Variants in ME1 observed in about 807,000 individuals in gnomAD.
ME1 encodes the protein NADP-dependent malic enzyme.
Under a neutral mutation model 66.4 loss-of-function variants are expected in ME1, and 74 were observed. That is an observed-to-expected ratio of 1.11 (90% CI 0.92 to 1.35). ME1 has a LOEUF of 1.35. Among genes scored for constraint, ME1 ranks in the 40% most tolerant of loss-of-function variants. ME1 has a pLI of 0.00. For synonymous variants in ME1, 251 were observed against 235.6 expected, an observed-to-expected ratio of 1.07 and a Z score of -0.60; for missense variants, 750 against 694.1, an observed-to-expected ratio of 1.08 and a Z score of -0.90.
Position 83,346,267 on chromosome 6 carries a change from A to G in ME1, c.506T>C (p.Ile169Thr), listed in dbSNP as rs1768684865. The G allele has an allele frequency of 1.9e-6, 3 of 1,613,572 alleles. No homozygotes were observed. The highest frequency in any genetic ancestry group is 2.5e-6 in the Non-Finnish European group (3 of 1,179,628). ...LGDLGCNGMG[I>T]PVGKLALYTA... The stretch of plus-strand genomic sequence containing the variant: ...ATATAGAGCCAATTTACCCACAGGG[A>G]TGCCCATTCCATTACAGCCAAGGTC... The change falls in exon 5 of 14, where the codon ATC (isoleucine) becomes ACC (threonine). Residue 169 changes from isoleucine (I) to threonine (T), a missense_variant. By Grantham distance (89) the Ile-to-Thr change is moderately conservative. Transcript: ENST00000369705.
At chr6:83,392,780 C>T in intron 3 of ME1, 1 of 687,582 alleles carries the variant, frequency 1.5e-6, no homozygotes, top group South Asian at 1.3e-5. Flanking sequence ...GTCATCATCT[C>T]TGCACCCTCT....
chr6:83,396,456 T>C (rs1304567820), intron 3 of ME1, among the ~76,000 whole-genome samples: 1 of 151,976 alleles, frequency 6.6e-6, no homozygotes, highest in Non-Finnish European at 1.5e-5. Context: ...CTACAAAACA[T>C]TGATGAAAAA....
chr6:83,346,976 C>T (rs1200788225), intron 4 of ME1, among the ~76,000 whole-genome samples: 1 of 151,712 alleles, frequency 6.6e-6, no homozygotes, highest in African/African-American at 2.4e-5. Context: ...TTTTCCGAGA[C>T]GGAGTCTTGC....
At chr6:83,388,780 G>A (rs1191364584) in intron 3 of ME1, among the ~76,000 whole-genome samples, 1 of 152,104 alleles carries the variant, frequency 6.6e-6, no homozygotes, top group African/African-American at 2.4e-5. Context: ...GCAAACTGTT[G>A]TATTAGCTCA....
At chr6:83,392,934 C>G in intron 3 of ME1, 2 of 823,834 alleles carry the variant, frequency 2.4e-6, no homozygotes, top group Non-Finnish European at 4.2e-6. Flanking sequence ...CGTGGAAGGA[C>G]TCATGACCAT....
chr6:83,340,466 T>C (rs539720262), intron 5 of ME1, among the ~76,000 whole-genome samples: 7 of 152,318 alleles, frequency 4.6e-5, no homozygotes, highest in Middle Eastern at 6.8e-3. Context: ...TAAAGAACTT[T>C]TGCTTCTACA....
intron 6 of ME1, among the ~76,000 whole-genome samples, chr6:83,298,308 A>G (rs1397095015): frequency 2.0e-5 from 3 of 152,150 alleles, no homozygotes; most frequent in Non-Finnish European, 4.4e-5. Context: ...TTTCTCTAAC[A>G]ATCAGTGATG....
intron 3 of ME1, among the ~76,000 whole-genome samples, chr6:83,382,151 G>A (rs1769414716): frequency 6.6e-6 from 1 of 151,562 alleles, no homozygotes; most frequent in Non-Finnish European, 1.5e-5. Context: ...CCCTGTTATT[G>A]TTTATCATTG....
At chr6:83,425,725 T>C (rs961101669) in intron 1 of ME1, among the ~76,000 whole-genome samples, 1 of 152,242 alleles carries the variant, frequency 6.6e-6, no homozygotes, top group African/African-American at 2.4e-5. Context: ...ACAAGTATTT[T>C]TGCCGATGTT....
At position 83,267,547 on chromosome 6, in the gene ME1, C is replaced by T. The variant is rs112695724; in HGVS notation, c.705-13809G>A. Reference sequence around the variant, plus strand: ...TTTTAGCCTCTCTGATGAAAAATGTCTAAATAAAACTATGTCTCTTAAGGA... The same window carrying T: ...TTTTAGCCTCTCTGATGAAAAATGTTTAAATAAAACTATGTCTCTTAAGGA... On this transcript the variant is annotated intron_variant, in intron 6 of 13. Coordinates refer to ENST00000369705, the MANE Select transcript of ME1 (RefSeq NM_002395.6). 9.5e-3 allele frequency among the ~76,000 whole-genome samples: 1,440 copies of T among 152,234 alleles called. 36 individuals are homozygous for T. Among genetic ancestry groups the T allele is most frequent in the African/African-American group, 0.033 (1,363 of 41,542 alleles).
At position 83,392,268 on chromosome 6, in the gene ME1, T is replaced by C. The variant is rs1179461650; in HGVS notation, c.362+6099A>G. 7 of 487,514 alleles carry C rather than the reference T, an allele frequency of 1.4e-5. No individual in the cohort carries two copies. In the Admixed American group the frequency reaches 1.5e-4, roughly 10 times the overall value. 30.2% of individuals were successfully genotyped at this position (487,514 alleles called of 1,614,324 possible). A position where few individuals can be genotyped will look rare whatever the true frequency, so the allele number is the denominator to read the frequency against. ...TTAAACTCTGGTTAAGTCGATATTGTCGCCATCAATGACCCCTTCATTGAC... is the reference window on the plus strand; with the variant it reads ...TTAAACTCTGGTTAAGTCGATATTGCCGCCATCAATGACCCCTTCATTGAC... On this transcript the variant is annotated intron_variant, in intron 3 of 13. Transcript: ENST00000369705.
chr6:83,314,972 A>G (rs1404550063), intron 6 of ME1, among the ~76,000 whole-genome samples: 1 of 152,206 alleles, frequency 6.6e-6, no homozygotes, highest in Non-Finnish European at 1.5e-5. Flanking sequence ...TCAACCAGAA[A>G]GTACAGATTG....
intron 6 of ME1, among the ~76,000 whole-genome samples, chr6:83,255,423 G>C (rs1766748093): frequency 6.6e-6 from 1 of 151,382 alleles, no homozygotes; most frequent in Admixed American, 6.6e-5. Context: ...ATTTTTATGT[G>C]GTTAGATCTT....
chr6:83,321,124 A>T (rs1768164923), intron 5 of ME1, among the ~76,000 whole-genome samples: 1 of 152,200 alleles, frequency 6.6e-6, no homozygotes, highest in Admixed American at 6.5e-5. Context: ...ACTCTGGCTC[A>T]GATACAACAC....
intron 4 of ME1, among the ~76,000 whole-genome samples, chr6:83,347,743 C>T (rs1003625101): frequency 6.6e-6 from 1 of 151,990 alleles, no homozygotes; most frequent in African/African-American, 2.4e-5. Flanking sequence ...AAATTTATAG[C>T]TATTATTACT....
rs1174401610 is a variant in ME1 at position 83,387,140 on chromosome 6, T to C, written c.362+11227A>G. Among the ~76,000 whole-genome samples, 3 of 152,162 alleles carry C rather than the reference T, an allele frequency of 2.0e-5. No individual in the cohort carries two copies. The East Asian group carries it at 5.8e-4, about 29-fold the overall frequency. ...GCTCATTTTACAATCACTGAGTTAT[T>C]GAAGTACTTATAGCTTAATCAAGCA... On this transcript the variant is annotated intron_variant, in intron 3 of 13. Coordinates refer to ENST00000369705, the MANE Select transcript of ME1 (RefSeq NM_002395.6).
chr6:83,311,896 G>T (rs958862958), intron 6 of ME1, among the ~76,000 whole-genome samples: 2 of 151,950 alleles, frequency 1.3e-5, no homozygotes, highest in African/African-American at 2.4e-5. Flanking sequence ...GAGGCAAAAC[G>T]GAGAGCTAAC....
intron 12 of ME1, among the ~76,000 whole-genome samples, chr6:83,219,740 A>ATTTTTTT (rs11324255): frequency 7.5e-6 from 1 of 133,210 alleles, no homozygotes; most frequent in South Asian, 2.4e-4. Flanking sequence ...TGCCCAACTA[A>ATTTTTTT]TTTTTTTTTT....
chr6:83,414,649 C>T (rs1017820809), intron 1 of ME1, among the ~76,000 whole-genome samples: 7 of 151,944 alleles, frequency 4.6e-5, no homozygotes, highest in Non-Finnish European at 7.4e-5. Context: ...CCTAAGAGAG[C>T]AAATGGGTTT....
Sources: gnomAD v4.1 joint callset for allele counts (sites outside exome capture counted in the v4.1 genomes callset) on GRCh38, gnomAD v4.1.1 for gene constraint, MANE v1.5 for transcripts, NCBI Gene and HGNC (gene_info 2026-07-23, HGNC 2026-07-21) for gene names.